Variants in SYT9 observed in about 807,000 individuals in gnomAD.
SYT9 encodes the protein synaptotagmin-9.
SYT9 carries 22 observed loss-of-function variants against 48.4 expected under a neutral mutation model. That is an observed-to-expected ratio of 0.45 (90% CI 0.32 to 0.65). The LOEUF (loss-of-function observed/expected upper bound fraction) is 0.65, where lower values mean the gene tolerates loss of function less well. Ranked by LOEUF, SYT9 falls within the 30% of genes least tolerant of loss-of-function variation. The pLI is 0.03. For missense variants in SYT9, 577 were observed against 622.0 expected (o/e 0.93, Z 0.77); for synonymous variants, 265 against 245.0 (o/e 1.08, Z -0.76).
intron 1 of SYT9, among the ~76,000 whole-genome samples, chr11:7,280,056 G>A (rs867355026): frequency 4.6e-5 from 7 of 152,222 alleles, no homozygotes; most frequent in Non-Finnish European, 8.8e-5. Context: ...ATTGGGGGCA[G>A]GGATGTATCA....
chr11:7,294,222 T>G (rs978105165), intron 1 of SYT9, among the ~76,000 whole-genome samples: 1 of 152,206 alleles, frequency 6.6e-6, no homozygotes, highest in African/African-American at 2.4e-5. Flanking sequence ...TATTGGATGT[T>G]GGGATCTCAA....
chr11:7,395,019 T>TA (rs1482011807), intron 3 of SYT9, among the ~76,000 whole-genome samples: 9 of 151,890 alleles, frequency 5.9e-5, no homozygotes, highest in Admixed American at 2.0e-4. Context: ...ATTTTTTTTT[T>TA]AATTTTTATT....
chr11:7,360,148 G>A (rs1173212652), intron 3 of SYT9, among the ~76,000 whole-genome samples: 2 of 152,170 alleles, frequency 1.3e-5, no homozygotes, highest in African/African-American at 4.8e-5. Flanking sequence ...GTTTGTCAAA[G>A]ATCAGATAGT....
chr11:7,356,685 A>G (rs1258161556), intron 3 of SYT9, among the ~76,000 whole-genome samples: 2 of 152,258 alleles, frequency 1.3e-5, no homozygotes, highest in African/African-American at 4.8e-5. Context: ...CACATTTTAC[A>G]GTAGATGCAA....
chr11:7,251,416 A>G (rs1204486948), upstream of SYT9, among the ~76,000 whole-genome samples: 2 of 152,118 alleles, frequency 1.3e-5, no homozygotes, highest in African/African-American at 4.8e-5. Context: ...AAATCACCAC[A>G]GTGGTCGAAA....
intron 6 of SYT9, among the ~76,000 whole-genome samples, chr11:7,458,155 G>A (rs1442735288): frequency 6.6e-6 from 1 of 152,198 alleles, no homozygotes; most frequent in African/African-American, 2.4e-5. Flanking sequence ...AGACACAGAT[G>A]TATTATGTTA....
At chr11:7,379,750 A>C (rs1850526222) in intron 3 of SYT9, among the ~76,000 whole-genome samples, 1 of 152,064 alleles carries the variant, frequency 6.6e-6, no homozygotes, top group Non-Finnish European at 1.5e-5. Flanking sequence ...CTGCTTACAT[A>C]TCTCTAAAAT....
intron 6 of SYT9, chr11:7,454,363 C>G: frequency 1.1e-6 from 1 of 946,642 alleles, no homozygotes; most frequent in Non-Finnish European, 1.3e-6. Context: ...TCTCTACAGC[C>G]ATCTTTAGAG....
intron 1 of SYT9, among the ~76,000 whole-genome samples, chr11:7,299,802 C>A (rs1385913489): frequency 6.6e-6 from 1 of 152,174 alleles, no homozygotes; most frequent in African/African-American, 2.4e-5. Flanking sequence ...AGTGCATGAG[C>A]TGTAGTCAAC....
At chr11:7,409,192 A>G (rs113728842) in intron 3 of SYT9, among the ~76,000 whole-genome samples, 2,508 of 152,112 alleles carry the variant, frequency 0.016, 57 homozygotes, top group African/African-American at 0.055. Flanking sequence ...TGTTTATGTG[A>G]TGTATCACAT....
At chr11:7,374,653 C>T (rs1279189644) in intron 3 of SYT9, among the ~76,000 whole-genome samples, 1 of 152,164 alleles carries the variant, frequency 6.6e-6, no homozygotes, top group African/African-American at 2.4e-5. Flanking sequence ...TTTTGATTTT[C>T]TTTTCTCGAA....
At chr11:7,284,767 C>T (rs181761486) in intron 1 of SYT9, among the ~76,000 whole-genome samples, 10 of 151,968 alleles carry the variant, frequency 6.6e-5, no homozygotes, top group African/African-American at 2.2e-4. Context: ...AATTTCTTCC[C>T]CTCCATTGTC....
At chr11:7,451,863 C>A (rs1217054049) in intron 6 of SYT9, among the ~76,000 whole-genome samples, 1 of 152,192 alleles carries the variant, frequency 6.6e-6, no homozygotes, top group Non-Finnish European at 1.5e-5. Context: ...GTCTGAACCT[C>A]TGGATCCAGC....
chr11:7,418,193 G>C (rs1188839180), intron 5 of SYT9, 65 bp downstream of exon 5: 4 of 1,546,094 alleles, frequency 2.6e-6, no homozygotes, highest in Non-Finnish European at 3.5e-6. Flanking sequence ...AGGCAGAGGG[G>C]GAGCAGCAGC....
At chr11:7,385,365 T>C (rs61888570) in intron 3 of SYT9, among the ~76,000 whole-genome samples, 14 of 138,442 alleles carry the variant, frequency 1.0e-4, no homozygotes, top group Middle Eastern at 3.6e-3. Flanking sequence ...TGTGTGTGTG[T>C]GTGTGCGTGT....
chr11:7,430,476 A>C (rs1847549617), intron 6 of SYT9, among the ~76,000 whole-genome samples: 1 of 152,222 alleles, frequency 6.6e-6, no homozygotes, highest in African/African-American at 2.4e-5. Context: ...TTAGGATCTG[A>C]ATGGTGTGTG....
chr11:7,455,569 GATCCAAGTGATCC>G (rs1424625409), intron 6 of SYT9, among the ~76,000 whole-genome samples: 1 of 151,816 alleles, frequency 6.6e-6, no homozygotes, highest in East Asian at 1.9e-4. Context: ...TGTACTCCTG[GATCCAAGTGATCC>G]ACCCACCTCG....
At chr11:7,265,190 A>C (rs750464647) in intron 1 of SYT9, among the ~76,000 whole-genome samples, 2 of 152,134 alleles carry the variant, frequency 1.3e-5, no homozygotes, top group Non-Finnish European at 2.9e-5. Context: ...TAGGTTTACC[A>C]CAGGAAGTCA....
At position 7,345,408 on chromosome 11, in the gene SYT9, T is replaced by C. The variant is rs1849782749; in HGVS notation, c.1044+31467T>C. Among the ~76,000 whole-genome samples, 3 of 152,244 alleles carry C rather than the reference T, an allele frequency of 2.0e-5. No homozygotes were observed. In the South Asian group the frequency reaches 6.2e-4, roughly 32 times the overall value. Reference sequence around the variant, plus strand: ...GTTTCATATATTTTGTCCAGATTTTTAGTTGTTTAAAATGTGAGAGTAAAT... The same window carrying C: ...GTTTCATATATTTTGTCCAGATTTTCAGTTGTTTAAAATGTGAGAGTAAAT... On this transcript the variant is annotated intron_variant, in intron 3 of 6. Transcript: ENST00000318881.
Sources: gnomAD v4.1 joint callset for allele counts (sites outside exome capture counted in the v4.1 genomes callset) on GRCh38, gnomAD v4.1.1 for gene constraint, MANE v1.5 for transcripts, NCBI Gene and HGNC (gene_info 2026-07-23, HGNC 2026-07-21) for gene names.